The following RANBP17 variants were observed in gnomAD, a reference collection of about 807,000 sequenced individuals.
The protein encoded by RANBP17 is ran-binding protein 17.
A neutral mutation model predicts 141.2 loss-of-function variants in RANBP17; 158 were observed. That is an observed-to-expected ratio of 1.12 (90% CI 0.98 to 1.28). RANBP17 has a LOEUF of 1.28. Among genes scored for constraint, RANBP17 ranks in the 50% most tolerant of loss-of-function variants. The pLI is 0.00. For synonymous variants in RANBP17, 430 were observed against 450.0 expected, an observed-to-expected ratio of 0.96 and a Z score of 0.56; for missense variants, 1,438 against 1,290.7, an observed-to-expected ratio of 1.11 and a Z score of -1.75.
intron 14 of RANBP17, among the ~76,000 whole-genome samples, chr5:171,095,057 T>A (rs553569895): frequency 1.3e-5 from 2 of 152,338 alleles, no homozygotes; most frequent in Non-Finnish European, 2.9e-5. Flanking sequence ...CCTTGTCAGA[T>A]GCTGGTACCA....
intron 18 of RANBP17, among the ~76,000 whole-genome samples, chr5:171,186,557 G>C (rs1192102694): frequency 0.037 from 387 of 10,372 alleles, 6 homozygotes; most frequent in African/African-American, 0.07. Context: ...TTTTTTTTGA[G>C]ACGGAGTCTC....
intron 14 of RANBP17, among the ~76,000 whole-genome samples, chr5:171,114,608 TTTTC>T (rs1380552329): frequency 3.3e-5 from 5 of 151,070 alleles, no homozygotes; most frequent in African/African-American, 9.8e-5. Flanking sequence ...GAATATTCTG[TTTTC>T]TTTCTTAGAT....
intron 18 of RANBP17, among the ~76,000 whole-genome samples, chr5:171,194,586 AT>A (rs1761853573): frequency 6.6e-6 from 1 of 152,134 alleles, no homozygotes; most frequent in Non-Finnish European, 1.5e-5. Context: ...GATGTGCCAT[AT>A]TTTGTTTAGC....
At chr5:171,145,086 A>C (rs1020108652) in intron 14 of RANBP17, among the ~76,000 whole-genome samples, 2 of 152,256 alleles carry the variant, frequency 1.3e-5, no homozygotes, top group Admixed American at 1.3e-4. Context: ...AAAGTGCTTT[A>C]GCATATACTA....
intron 14 of RANBP17, chr5:171,028,988 A>C: frequency 7.9e-7 from 1 of 1,258,286 alleles, no homozygotes; most frequent in Non-Finnish European, 1.0e-6. Context: ...TCTAAGGTCC[A>C]GGTGAGGGCA....
At chr5:171,110,943 G>C (rs1755179178) in intron 14 of RANBP17, among the ~76,000 whole-genome samples, 1 of 150,630 alleles carries the variant, frequency 6.6e-6, no homozygotes. Flanking sequence ...CATGTGCCAT[G>C]CTGGTGCACT....
At chr5:171,235,204 GA>G (rs1764462499) in intron 22 of RANBP17, among the ~76,000 whole-genome samples, 1 of 152,074 alleles carries the variant, frequency 6.6e-6, no homozygotes, top group African/African-American at 2.4e-5. Context: ...TAGTAACCTT[GA>G]AAAGAGCACT....
intron 1 of RANBP17, among the ~76,000 whole-genome samples, chr5:170,866,205 C>T (rs551070907): frequency 1.3e-5 from 2 of 152,164 alleles, no homozygotes; most frequent in Non-Finnish European, 2.9e-5. Flanking sequence ...AAAAACATTC[C>T]TATCAGGTAT....
chr5:171,068,569 T>TTTGTTGTTG (rs35125398), intron 14 of RANBP17, among the ~76,000 whole-genome samples: 6,414 of 149,010 alleles, frequency 0.043, 170 homozygotes, highest in African/African-American at 0.069. Context: ...TTACTTTCCT[T>TTTGTTGTTG]TTGTTGTTGT....
intron 14 of RANBP17, among the ~76,000 whole-genome samples, chr5:170,979,511 G>A (rs996572618): frequency 5.9e-5 from 9 of 152,182 alleles, no homozygotes; most frequent in Non-Finnish European, 8.8e-5. Flanking sequence ...TTTCCCATGT[G>A]TTGTGGGAGG....
intron 14 of RANBP17, among the ~76,000 whole-genome samples, chr5:170,979,984 C>T (rs1777647195): frequency 6.6e-6 from 1 of 152,110 alleles, no homozygotes. Flanking sequence ...TTGGCTTTGA[C>T]CAAAATGCTG....
Position 171,101,186 on chromosome 5 carries a change from T to C in RANBP17, c.1711-68944T>C, listed in dbSNP as rs372288789. On this transcript the variant is annotated intron_variant, in intron 14 of 27. Transcript: ENST00000523189. The stretch of plus-strand genomic sequence containing the variant: ...TTTTCTGTCTCGATCTGTCTAATAT[T>C]GACAGTGGAGTGTTAAAGTCTCCCA... Among the ~76,000 whole-genome samples the C allele has an allele frequency of 2.6e-5, 4 of 152,316 alleles. No homozygotes were observed. The East Asian group carries it at 7.7e-4, about 29-fold the overall frequency.
intron 14 of RANBP17, chr5:170,970,707 A>G (rs1394700919): frequency 1.3e-5 from 2 of 152,092 alleles, no homozygotes; most frequent in Non-Finnish European, 2.9e-5. Flanking sequence ...TTTTAAATCC[A>G]TCTTTTACTT....
intron 14 of RANBP17, among the ~76,000 whole-genome samples, chr5:171,080,888 C>T (rs1250200474): frequency 2.6e-5 from 4 of 152,108 alleles, no homozygotes; most frequent in Non-Finnish European, 4.4e-5. Context: ...AAGAGAGGAC[C>T]ATATCTTACA....
chr5:171,042,319 G>T, intron 14 of RANBP17, among the ~76,000 whole-genome samples: 1 of 151,588 alleles, frequency 6.6e-6, no homozygotes, highest in East Asian at 1.9e-4. Flanking sequence ...AACTATATAG[G>T]AACTAACAAT....
At chr5:171,081,710 A>G (rs764448708) in intron 14 of RANBP17, among the ~76,000 whole-genome samples, 1 of 152,164 alleles carries the variant, frequency 6.6e-6, no homozygotes, top group South Asian at 2.1e-4. Context: ...ATTTTCACAT[A>G]AAACCTCCTG....
At chr5:171,233,277 A>G (rs1468373655) in intron 22 of RANBP17, among the ~76,000 whole-genome samples, 5 of 152,222 alleles carry the variant, frequency 3.3e-5, no homozygotes, top group African/African-American at 1.2e-4. Context: ...AGAGTGAAAC[A>G]ACAGAAACTC....
At chr5:171,078,051 T>A (rs1785045477) in intron 14 of RANBP17, among the ~76,000 whole-genome samples, 1 of 152,044 alleles carries the variant, frequency 6.6e-6, no homozygotes, top group Admixed American at 6.6e-5. Context: ...GTGGAGAAGT[T>A]GCGGCAGGTT....
intron 14 of RANBP17, among the ~76,000 whole-genome samples, chr5:171,063,714 G>T (rs1227765141): frequency 6.6e-6 from 1 of 152,230 alleles, no homozygotes; most frequent in Non-Finnish European, 1.5e-5. Flanking sequence ...GGACATTTAA[G>T]TCTGCAGAGG....
Sources: allele counts gnomAD v4.1 joint callset (sites outside exome capture counted in the v4.1 genomes callset), GRCh38; gene constraint gnomAD v4.1.1; transcripts MANE v1.5; gene names NCBI Gene and HGNC (gene_info 2026-07-23, HGNC 2026-07-21).